Variants in SLC6A5 observed in about 807,000 individuals in gnomAD.
The protein encoded by SLC6A5 is solute carrier family 6 member 5, also known as sodium- and chloride-dependent glycine transporter 2.
Under a neutral mutation model 90.5 loss-of-function variants are expected in SLC6A5, and 58 were observed. The observed-to-expected ratio is 0.64, with a 90% CI of 0.52 to 0.80. SLC6A5 has a LOEUF of 0.80. Among genes scored for constraint, SLC6A5 ranks in the 30% least tolerant of loss-of-function variants. The pLI, the probability that SLC6A5 is intolerant of heterozygous loss-of-function variation, is 0.00. For synonymous variants in SLC6A5, 427 were observed against 401.4 expected (o/e 1.06, Z -0.76); for missense variants, 1,015 against 1,017.6 (o/e 1.00, Z 0.03).
At chr11:20,609,074 A>C (rs1481668978) in intron 5 of SLC6A5, among the ~76,000 whole-genome samples, 1 of 151,952 alleles carries the variant, frequency 6.6e-6, no homozygotes, top group Non-Finnish European at 1.5e-5. Context: ...TCTGGCTTCC[A>C]GTCTGGCTCA....
chr11:20,633,298 C>T (rs529839032), intron 10 of SLC6A5, among the ~76,000 whole-genome samples: 1 of 152,316 alleles, frequency 6.6e-6, no homozygotes, highest in East Asian at 1.9e-4. Context: ...ACTAGAAATA[C>T]TACTTTGGTT....
intron 4 of SLC6A5, 25 bp from the exon 5 acceptor site, chr11:20,607,454 A>G (rs753735014): frequency 2.0e-5 from 32 of 1,613,494 alleles, no homozygotes; most frequent in Non-Finnish European, 2.5e-5. Flanking sequence ...GATGGAATGA[A>G]CCCCTGGAAT....
At chr11:20,613,528 T>A (rs1041516928) in intron 5 of SLC6A5, among the ~76,000 whole-genome samples, 3 of 152,072 alleles carry the variant, frequency 2.0e-5, no homozygotes, top group Non-Finnish European at 4.4e-5. Context: ...CATGAGATAA[T>A]CATTAAAGTG....
intron 1 of SLC6A5, among the ~76,000 whole-genome samples, chr11:20,600,757 C>A (rs918919797): frequency 1.3e-5 from 2 of 152,168 alleles, no homozygotes; most frequent in African/African-American, 4.8e-5. Context: ...ATTAAAGAAT[C>A]TTTCTACAGT....
chr11:20,604,454 G>A (rs748109303), intron 3 of SLC6A5, 30 bp downstream of exon 3: 2 of 1,608,274 alleles, frequency 1.2e-6, no homozygotes, highest in Non-Finnish European at 1.7e-6. Context: ...TCCGCCTGCG[G>A]CGGGGCGGGG....
Position 20,642,097 on chromosome 11 carries a change from T to C in SLC6A5, c.1969+3539T>C, listed in dbSNP as rs184887135. 2.9e-3 allele frequency among the ~76,000 whole-genome samples: 447 copies of C among 151,994 alleles called. 3 individuals are homozygous for C. Among genetic ancestry groups the C allele is most frequent in the African/African-American group, 0.01 (433 of 41,494 alleles). On this transcript the variant is annotated intron_variant, in intron 13 of 15. Coordinates refer to ENST00000525748, the MANE Select transcript of SLC6A5 (RefSeq NM_004211.5). ...AAGACTGGAGACGTAATTTGTGGGA[T>C]ATAGTACTAAATGAAAATATAGAGT... is the stretch of plus-strand genomic sequence containing the variant.
intron 5 of SLC6A5, among the ~76,000 whole-genome samples, chr11:20,610,795 T>G (rs1852679406): frequency 6.6e-6 from 1 of 152,114 alleles, no homozygotes. Context: ...CAGGGGACAT[T>G]TGGCAACGTT....
intron 3 of SLC6A5, among the ~76,000 whole-genome samples, chr11:20,606,526 T>G (rs11600101): frequency 0.21 from 32,306 of 152,024 alleles, 3,960 homozygotes; most frequent in Non-Finnish European, 0.27. Flanking sequence ...TGCCCAACCC[T>G]GGTTGGCAGA....
At position 20,617,840 on chromosome 11, in the gene SLC6A5, A is replaced by G. The variant is rs757319575; in HGVS notation, c.1216A>G (p.Ile406Val). 3 of 1,613,898 alleles carry G rather than the reference A, an allele frequency of 1.9e-6. No homozygotes were observed. Among genetic ancestry groups the G allele is most frequent in the South Asian group, 1.1e-5 (1 of 91,088 alleles). Reference sequence around the variant, plus strand: ...TCTCTGCCTCTTCCTGGCTTGGGTCATTGTGTATGCATCATTGGCTAAAGG... The same window carrying G: ...TCTCTGCCTCTTCCTGGCTTGGGTCGTTGTGTATGCATCATTGGCTAAAGG... ...LALCLFLAWV[I>V]VYASLAKGIK... Residue 406 changes from isoleucine to valine, a missense_variant, in exon 7 of 16, where the codon ATT becomes GTT. Around this residue, in one of 3 missense-constraint regions of SLC6A5, gnomAD observed 442 missense variants for 494.3 expected, o/e 0.89. Transcript: ENST00000525748.
intron 10 of SLC6A5, among the ~76,000 whole-genome samples, chr11:20,634,102 C>T (rs930981227): frequency 2.6e-5 from 4 of 152,206 alleles, no homozygotes; most frequent in African/African-American, 4.8e-5. Flanking sequence ...GAACTCCTCA[C>T]CTTGTGATCT....
At chr11:20,622,447 C>T (rs1308199841) in intron 7 of SLC6A5, among the ~76,000 whole-genome samples, 3 of 152,326 alleles carry the variant, frequency 2.0e-5, no homozygotes, top group Non-Finnish European at 2.9e-5. Context: ...TCACTTGCCT[C>T]CCCCTAGTCC....
At chr11:20,623,395 G>A (rs917306596) in intron 7 of SLC6A5, among the ~76,000 whole-genome samples, 2 of 152,106 alleles carry the variant, frequency 1.3e-5, no homozygotes, top group Admixed American at 6.6e-5. Flanking sequence ...TCCCCATGAA[G>A]TCTGGTGGCT....
chr11:20,606,842 T>C (rs1203639652), intron 3 of SLC6A5, among the ~76,000 whole-genome samples, 165 bp from the exon 4 acceptor site: 1 of 152,226 alleles, frequency 6.6e-6, no homozygotes, highest in Non-Finnish European at 1.5e-5. Flanking sequence ...TAAATATCTG[T>C]GGGTGACTGT....
chr11:20,648,304 C>G (rs1443617250), intron 14 of SLC6A5, among the ~76,000 whole-genome samples: 1 of 152,262 alleles, frequency 6.6e-6, no homozygotes, highest in Admixed American at 6.5e-5. Context: ...TTCTTTCCTT[C>G]CCTCCCTCTC....
At chr11:20,622,038 A>G (rs1193767905) in intron 7 of SLC6A5, among the ~76,000 whole-genome samples, 1 of 152,212 alleles carries the variant, frequency 6.6e-6, no homozygotes, top group Non-Finnish European at 1.5e-5. Flanking sequence ...CATGGTGAGA[A>G]GGATGCCTGG....
At chr11:20,617,572 G>A (rs1401151286) in intron 6 of SLC6A5, among the ~76,000 whole-genome samples, 180 bp from the exon 7 acceptor site, 2 of 152,180 alleles carry the variant, frequency 1.3e-5, no homozygotes, top group Non-Finnish European at 2.9e-5. Context: ...GTGGGCAAGA[G>A]CCCAGACCAG....
chr11:20,650,054 C>CA (rs1390028016), intron 14 of SLC6A5, among the ~76,000 whole-genome samples: 6 of 152,228 alleles, frequency 3.9e-5, no homozygotes, highest in African/African-American at 1.4e-4. Flanking sequence ...ATCCATCTAG[C>CA]ACTTCACACT....
At chr11:20,600,619 C>T (rs751442207) in intron 1 of SLC6A5, among the ~76,000 whole-genome samples, 3 of 152,154 alleles carry the variant, frequency 2.0e-5, no homozygotes, top group African/African-American at 4.8e-5. Context: ...GGTTGTGGAG[C>T]GCTGGGACTC....
Position 20,617,844 on chromosome 11 carries a change from T to C in SLC6A5, c.1220T>C (p.Val407Ala). The change falls in exon 7 of 16, where the codon GTG becomes GCG. Residue 407 changes from valine to alanine, a missense_variant. Val to Ala is a moderately conservative substitution (Grantham distance 64). Transcript: ENST00000525748. ...TGCCTCTTCCTGGCTTGGGTCATTGTGTATGCATCATTGGCTAAAGGAATC... is the reference window on the plus strand; with the variant it reads ...TGCCTCTTCCTGGCTTGGGTCATTGCGTATGCATCATTGGCTAAAGGAATC... ...ALCLFLAWVI[V>A]YASLAKGIKT... 1 of 1,614,066 alleles carries C rather than the reference T, an allele frequency of 6.2e-7. No homozygotes were observed. The highest frequency in any genetic ancestry group is 1.3e-5 in the African/African-American group (1 of 75,040).
Sources: allele counts gnomAD v4.1 joint callset (sites outside exome capture counted in the v4.1 genomes callset), GRCh38; gene constraint gnomAD v4.1.1; regional missense constraint gnomAD v4.1.1; transcripts MANE v1.5; gene names NCBI Gene and HGNC (gene_info 2026-07-23, HGNC 2026-07-21).